Variants in DMXL1 observed in about 807,000 individuals in gnomAD.
DMXL1 encodes the protein Dmx like 1.
Under a neutral mutation model 319.2 loss-of-function variants are expected in DMXL1, and 99 were observed. The ratio of observed to expected loss-of-function variants is 0.31; its 90% CI spans 0.26 to 0.37. The LOEUF is 0.37. Among genes scored for constraint, DMXL1 ranks in the 10% least tolerant of loss-of-function variants. The pLI is 1.00. For synonymous variants in DMXL1, 1,385 were observed against 1,235.2 expected (o/e 1.12, Z -2.54); for missense variants, 3,745 against 3,595.6 (o/e 1.04, Z -1.06).
chr5:119,243,521 G>C (rs1280902833), intron 42 of DMXL1, among the ~76,000 whole-genome samples: 3 of 151,958 alleles, frequency 2.0e-5, no homozygotes, highest in African/African-American at 7.3e-5. Context: ...CCTAAAATTT[G>C]TTAGGCTGGA....
chr5:119,202,623 G>T (rs1408115819), intron 32 of DMXL1, among the ~76,000 whole-genome samples: 1 of 151,892 alleles, frequency 6.6e-6, no homozygotes, highest in Non-Finnish European at 1.5e-5. Flanking sequence ...AGGCCGAAGT[G>T]GGTGGATCAC....
intron 40 of DMXL1, among the ~76,000 whole-genome samples, chr5:119,238,341 T>G (rs114510836): frequency 0.033 from 4,964 of 152,160 alleles, 249 homozygotes; most frequent in East Asian, 0.12. Context: ...AAAAATCATT[T>G]TTTATTAAAG....
intron 15 of DMXL1, 118 bp from the exon 16 acceptor site, chr5:119,146,719 C>T: frequency 1.1e-6 from 1 of 908,234 alleles, no homozygotes; most frequent in East Asian, 2.7e-5. Context: ...GTGTTTGAAG[C>T]CTTAGGTAAA....
At chr5:119,236,529 G>A (rs1787790201) in intron 39 of DMXL1, 1 of 151,882 alleles carries the variant, frequency 6.6e-6, no homozygotes. Flanking sequence ...GTAATTACCT[G>A]GGAAAGATAG....
intron 7 of DMXL1, 50 bp downstream of exon 7, chr5:119,116,386 G>A (rs1252313970): frequency 6.4e-7 from 1 of 1,560,378 alleles, no homozygotes; most frequent in Non-Finnish European, 8.7e-7. Flanking sequence ...CATCATCTTT[G>A]TTACTTTGAT....
Position 119,173,776 on chromosome 5 carries a change from G to GTGTATA in DMXL1, c.6682-1484_6682-1483insGTATAT. ...TGTGTATATATATATATGTGTGTGT[G>GTGTATA]TATATATATATATATATATATAATG... On this transcript the variant is annotated intron_variant, in intron 25 of 43. Coordinates refer to ENST00000539542, the MANE Select transcript of DMXL1 (RefSeq NM_001290321.3). Among the ~76,000 whole-genome samples the GTGTATA allele has an allele frequency of 4.3e-4, 29 of 67,164 alleles. 1 individual carries two copies. In the East Asian group the frequency reaches 7.3e-3, roughly 17 times the overall value. The allele number at this position is 67,164 out of a possible 152,430, so 44.1% of individuals were successfully genotyped here.
At chr5:119,138,642 C>T (rs1766578214) in intron 13 of DMXL1, among the ~76,000 whole-genome samples, 3 of 152,102 alleles carry the variant, frequency 2.0e-5, no homozygotes, top group Admixed American at 2.0e-4. Flanking sequence ...AGTTTGAGAC[C>T]AGCTTGGCCA....
intron 28 of DMXL1, among the ~76,000 whole-genome samples, chr5:119,179,838 A>T (rs1776481401): frequency 6.6e-6 from 1 of 152,120 alleles, no homozygotes; most frequent in African/African-American, 2.4e-5. Context: ...TCAAGAAAAA[A>T]CAGGCAGGAA....
At chr5:119,229,140 C>T (rs1437689524) in intron 38 of DMXL1, among the ~76,000 whole-genome samples, 1 of 147,560 alleles carries the variant, frequency 6.8e-6, no homozygotes, top group Non-Finnish European at 1.5e-5. Context: ...TATAGGGAGA[C>T]CCCATTCTCC....
Position 119,177,420 on chromosome 5 carries a change from T to G in DMXL1, c.6822T>G (p.Pro2274=). 6.2e-7 allele frequency: 1 copy of G among 1,609,498 alleles called. No individual in the cohort carries two copies. The highest frequency in any genetic ancestry group is 2.2e-5 in the East Asian group (1 of 44,608). The change falls in exon 27 of 44, where the codon CCT becomes CCG. Residue 2274 remains proline (P), a synonymous_variant. Transcript: ENST00000539542. ...AGACAGTACTGCTTCCTCATCGACC[T>G]TCTTTGAAAACAGGAAGCTTAGATG... ...VYQTVLLPHR[P]SLKTGSLDEA...
At chr5:119,192,763 T>C (rs1778918847) in intron 29 of DMXL1, among the ~76,000 whole-genome samples, 2 of 152,200 alleles carry the variant, frequency 1.3e-5, no homozygotes, top group African/African-American at 2.4e-5. Context: ...TAATCTTCTT[T>C]CTTCATCCTT....
At chr5:119,083,834 G>C (rs1395536612) in intron 1 of DMXL1, among the ~76,000 whole-genome samples, 1 of 152,106 alleles carries the variant, frequency 6.6e-6, no homozygotes, top group Non-Finnish European at 1.5e-5. Context: ...CACCGTGCCT[G>C]ACCAGTTTTT....
chr5:119,105,462 A>G (rs191991512), intron 4 of DMXL1, among the ~76,000 whole-genome samples: 401 of 152,348 alleles, frequency 2.6e-3, no homozygotes, highest in Non-Finnish European at 3.4e-3. Flanking sequence ...TCTAAGTGCC[A>G]TAATAGGATA....
intron 43 of DMXL1, among the ~76,000 whole-genome samples, chr5:119,246,219 T>C (rs1294892621): frequency 1.3e-5 from 2 of 152,230 alleles, no homozygotes; most frequent in African/African-American, 2.4e-5. Context: ...AGTTAAAATA[T>C]AGCTTTGCCT....
intron 1 of DMXL1, among the ~76,000 whole-genome samples, chr5:119,072,165 C>T (rs927108618): frequency 4.6e-5 from 7 of 151,966 alleles, no homozygotes; most frequent in Admixed American, 2.6e-4. Context: ...TTTTCTAATT[C>T]CCTGAGAAAT....
At position 119,105,272 on chromosome 5, in the gene DMXL1, C is replaced by T. The variant is rs1758084012; in HGVS notation, c.364+14C>T. The T allele has an allele frequency of 1.3e-6, 2 of 1,594,492 alleles. No individual in the cohort carries two copies. Among genetic ancestry groups the T allele is most frequent in the African/African-American group, 1.3e-5 (1 of 74,492 alleles). ...GGGATCCCACAGGTAAGAAAATAAG[C>T]AGGATTAACTAAAATGAAATATCAC... On this transcript the variant is annotated intron_variant, in intron 4 of 43. Transcript: ENST00000539542.
At chr5:119,184,204 G>T (rs1184138849) in intron 28 of DMXL1, among the ~76,000 whole-genome samples, 4 of 151,954 alleles carry the variant, frequency 2.6e-5, no homozygotes, top group African/African-American at 9.7e-5. Flanking sequence ...TATAGGTGCA[G>T]GCCATCATTG....
At chr5:119,128,773 A>C (rs571413319) in intron 9 of DMXL1, among the ~76,000 whole-genome samples, 24 of 152,294 alleles carry the variant, frequency 1.6e-4, no homozygotes, top group African/African-American at 5.1e-4. Context: ...TATTTAAAAA[A>C]TCTTAAAATA....
intron 1 of DMXL1, among the ~76,000 whole-genome samples, chr5:119,075,480 C>G: frequency 6.6e-6 from 1 of 151,958 alleles, no homozygotes. Context: ...CTCAAATGAT[C>G]CGCCCACCTC....
Sources: allele counts gnomAD v4.1 joint callset (sites outside exome capture counted in the v4.1 genomes callset), GRCh38; gene constraint gnomAD v4.1.1; transcripts MANE v1.5; gene names NCBI Gene and HGNC (gene_info 2026-07-23, HGNC 2026-07-21).